The following CLUL1 variants were observed in gnomAD, a reference collection of about 807,000 sequenced individuals.
The protein encoded by CLUL1 is clusterin-like protein 1.
CLUL1 carries 43 observed loss-of-function variants against 49.4 expected under a neutral mutation model. That is an observed-to-expected ratio of 0.87 (90% confidence interval 0.68 to 1.12). The LOEUF (loss-of-function observed/expected upper bound fraction) is 1.12, where lower values mean the gene tolerates loss of function less well. Ranked by LOEUF, CLUL1 falls within the 50% of genes most tolerant of loss-of-function variation. The pLI is 0.00. For missense variants in CLUL1, 486 were observed against 544.4 expected (o/e 0.89, Z 1.07); for synonymous variants, 192 against 184.9 (o/e 1.04, Z -0.31).
chr18:634,244 C>G (rs909836734), intron 7 of CLUL1, among the ~76,000 whole-genome samples: 1 of 152,166 alleles, frequency 6.6e-6, no homozygotes, highest in Non-Finnish European at 1.5e-5. Flanking sequence ...ATTCTCCTGC[C>G]TCAGCCTGCC....
intron 2 of CLUL1, among the ~76,000 whole-genome samples, chr18:610,847 G>A (rs1435310614): frequency 1.3e-5 from 2 of 151,974 alleles, no homozygotes; most frequent in Non-Finnish European, 2.9e-5. Context: ...GACCAGCCTG[G>A]GAAACATGGT....
chr18:634,617 A>T (rs2074090033), intron 7 of CLUL1, among the ~76,000 whole-genome samples: 1 of 152,126 alleles, frequency 6.6e-6, no homozygotes, highest in African/African-American at 2.4e-5. Flanking sequence ...GCCCCCAACC[A>T]TGAAAGAAAC....
Position 645,068 on chromosome 18 carries a change from A to T in CLUL1, c.1368A>T (p.Leu456=). 1 of 1,608,436 alleles carries T rather than the reference A, an allele frequency of 6.2e-7. No individual in the cohort carries two copies. Among genetic ancestry groups the T allele is most frequent in the South Asian group, 1.1e-5 (1 of 89,298 alleles). Residue 456 remains leucine, a synonymous_variant, in exon 9 of 10, where the codon CTA becomes CTT. Coordinates refer to ENST00000692774, the MANE Select transcript of CLUL1 (RefSeq NM_001393344.1). ...NFIGYVVAKA[L]QHFKEHFKTW is the part of the protein sequence containing the mutation. ...TTGGCTACGTAGTGGCAAAAGCTCTACAGCATTTTAAGGAACATTTTAAAA... is the reference window on the plus strand; with the variant it reads ...TTGGCTACGTAGTGGCAAAAGCTCTTCAGCATTTTAAGGAACATTTTAAAA...
In CLUL1 at chr18:645,805, AAAAAAATATATATATATATATATATAT is replaced by A. The variant is rs1423482632; in HGVS notation, c.1397+710_1397+736del. On this transcript the variant is annotated intron_variant, in intron 9 of 9. Coordinates refer to ENST00000692774, the MANE Select transcript of CLUL1 (RefSeq NM_001393344.1). ...CGAGACTCTGTTTAAAAAAAAAAAA[AAAAAAATATATATATATATATATATAT>A]ATATATATATATATATATATGTTAA... Among the ~76,000 whole-genome samples, 43 of 51,432 alleles carry A rather than the reference AAAAAAATATATATATATATATATATAT, an allele frequency of 8.4e-4. 3 individuals are homozygous for A. The highest frequency in any genetic ancestry group is 3.2e-3 in the African/African-American group (42 of 13,176). The allele number at this position is 51,432 out of a possible 152,430, so 33.7% of individuals were successfully genotyped here.
chr18:646,681 C>T (rs577247049), intron 9 of CLUL1, among the ~76,000 whole-genome samples: 4 of 151,832 alleles, frequency 2.6e-5, no homozygotes, highest in Non-Finnish European at 4.4e-5. Flanking sequence ...CTCTCTTCCT[C>T]TCCTCCTCTC....
intron 6 of CLUL1, among the ~76,000 whole-genome samples, chr18:630,632 C>T (rs973325417): frequency 2.1e-5 from 3 of 142,592 alleles, no homozygotes; most frequent in South Asian, 2.3e-4. Flanking sequence ...GAAATGAATT[C>T]TCCTCTAGAG....
chr18:647,156 G>T (rs73943345), intron 9 of CLUL1, among the ~76,000 whole-genome samples: 10,482 of 150,200 alleles, frequency 0.07, 824 homozygotes, highest in African/African-American at 0.19. Context: ...GTTCCAAAAG[G>T]GGGGATGGCA....
chr18:607,636 C>T (rs1267106308), intron 2 of CLUL1, among the ~76,000 whole-genome samples: 1 of 152,074 alleles, frequency 6.6e-6, no homozygotes, highest in African/African-American at 2.4e-5. Context: ...CCCTGGTGTC[C>T]AGGCTGGTCT....
chr18:641,080 T>C (rs562990720), intron 7 of CLUL1, among the ~76,000 whole-genome samples: 2 of 152,220 alleles, frequency 1.3e-5, no homozygotes, highest in Non-Finnish European at 2.9e-5. Flanking sequence ...GTGGAATTTA[T>C]AACAAAAGTT....
At position 601,896 on chromosome 18, in the gene CLUL1, G is replaced by T. The variant is rs1477619690; in HGVS notation, c.-136+4767G>T. On this transcript the variant is annotated intron_variant, in intron 1 of 9. Coordinates refer to ENST00000692774, the MANE Select transcript of CLUL1 (RefSeq NM_001393344.1). ...ACCAAGAAAAGTATAAAAAAGTCTT[G>T]TGTGAACATAAATGAAAATTGGCCA... 4.6e-5 allele frequency among the ~76,000 whole-genome samples: 7 copies of T among 152,112 alleles called. No individual in the cohort carries two copies. The East Asian group carries it at 1.4e-3, about 30-fold the overall frequency.
rs1192564980 is a variant in CLUL1, at chr18:645,046, G to A, written c.1346G>A (p.Gly449Asp). ...AGTGCTGAGAGTTCTAACTTCATTG[G>A]CTACGTAGTGGCAAAAGCTCTACAG... ...EESAESSNFI[G>D]YVVAKALQHF... The change falls in exon 9 of 10, where the codon GGC becomes GAC. Residue 449 changes from glycine to aspartate, a missense_variant. By Grantham distance (94) the Gly-to-Asp change is moderately conservative. Coordinates refer to ENST00000692774, the MANE Select transcript of CLUL1 (RefSeq NM_001393344.1). The A allele has an allele frequency of 3.1e-6, 5 of 1,610,750 alleles. No homozygotes were observed. In the East Asian group the frequency reaches 1.1e-4, roughly 36 times the overall value.
intron 5 of CLUL1, among the ~76,000 whole-genome samples, chr18:626,891 G>GA (rs370511796): frequency 3.3e-3 from 1 of 300 alleles, no homozygotes; most frequent in East Asian, 0.25. Context: ...AAGAAAGAAA[G>GA]AAAGAAAGAA....
intron 6 of CLUL1, among the ~76,000 whole-genome samples, chr18:628,835 G>C (rs1490558845): frequency 1.3e-5 from 2 of 151,862 alleles, no homozygotes; most frequent in East Asian, 3.9e-4. Flanking sequence ...GTTTCACCAT[G>C]TTGGCCAGGC....
At chr18:641,660 T>A (rs2074348838) in intron 8 of CLUL1, 119 bp downstream of exon 8, 3 of 817,552 alleles carry the variant, frequency 3.7e-6, no homozygotes, top group Non-Finnish European at 5.9e-6. Context: ...TATTCATATT[T>A]CCATTGTGAT....
intron 1 of CLUL1, among the ~76,000 whole-genome samples, chr18:603,437 A>G (rs1315922263): frequency 5.3e-5 from 8 of 152,168 alleles, no homozygotes; most frequent in Non-Finnish European, 1.0e-4. Flanking sequence ...TGCACAGCAC[A>G]GTGTAGACAA....
At chr18:623,773 C>G (rs16947555) in intron 4 of CLUL1, among the ~76,000 whole-genome samples, 1 of 151,700 alleles carries the variant, frequency 6.6e-6, no homozygotes, top group African/African-American at 2.4e-5. Context: ...AGTTTTCTTA[C>G]GTGGATCATA....
intron 4 of CLUL1, among the ~76,000 whole-genome samples, chr18:623,758 C>T (rs1358043624): frequency 6.6e-6 from 1 of 151,862 alleles, no homozygotes; most frequent in East Asian, 1.9e-4. Context: ...AGCTGGGGCC[C>T]TGGCAGTTTT....
In CLUL1 at chr18:641,434, T is replaced by C. The variant is rs1455797400; in HGVS notation, c.1102T>C (p.Leu368=). The C allele has an allele frequency of 1.9e-6, 3 of 1,614,074 alleles. No homozygotes were observed. Among genetic ancestry groups the C allele is most frequent in the African/African-American group, 1.3e-5 (1 of 74,920 alleles). ...GQILQMTRKH[L]EDTAYLVEKM... ...GATTCTCCAGATGACCCGGAAGCAC[T>C]TGGAGGACACCGCCTATCTGGTGGA... Residue 368 remains leucine (L), a synonymous_variant, in exon 8 of 10, where the codon TTG becomes CTG. Transcript: ENST00000692774.
chr18:627,847 G>A (rs1250606990), intron 6 of CLUL1, among the ~76,000 whole-genome samples: 1 of 151,470 alleles, frequency 6.6e-6, no homozygotes, highest in Non-Finnish European at 1.5e-5. Flanking sequence ...ATTTTGTGAC[G>A]GAGTCTCACT....
Sources: gnomAD v4.1 joint callset for allele counts (sites outside exome capture counted in the v4.1 genomes callset) on GRCh38, gnomAD v4.1.1 for gene constraint, MANE v1.5 for transcripts, NCBI Gene and HGNC (gene_info 2026-07-23, HGNC 2026-07-21) for gene names.